Variants in SMG6 observed in about 807,000 individuals in gnomAD.
SMG6 encodes telomerase-binding protein EST1A.
SMG6 carries 66 observed loss-of-function variants against 142.2 expected under a neutral mutation model. The ratio of observed to expected loss-of-function variants is 0.46; its 90% CI spans 0.38 to 0.57. The LOEUF (loss-of-function observed/expected upper bound fraction) is 0.57. Among genes scored for constraint, SMG6 ranks in the 20% least tolerant of loss-of-function variants. The pLI is 0.00. For synonymous variants in SMG6, 779 were observed against 702.4 expected, an observed-to-expected ratio of 1.11 and a Z score of -1.72; for missense variants, 1,793 against 1,832.0, an observed-to-expected ratio of 0.98 and a Z score of 0.39.
At chr17:2,094,122 G>C (rs1222795821) in intron 13 of SMG6, among the ~76,000 whole-genome samples, 1 of 152,218 alleles carries the variant, frequency 6.6e-6, no homozygotes, top group African/African-American at 2.4e-5. Context: ...ACTAATAAAT[G>C]TATCAGAAAT....
At chr17:2,176,504 T>C (rs1307636972) in intron 12 of SMG6, among the ~76,000 whole-genome samples, 1 of 152,150 alleles carries the variant, frequency 6.6e-6, no homozygotes, top group Non-Finnish European at 1.5e-5. Flanking sequence ...TTTGTTCTGG[T>C]TCAATGCATA....
In SMG6 at chr17:2,292,144, CA is replaced by C. The variant is rs147685273; in HGVS notation, c.2337+407del. Among the ~76,000 whole-genome samples the C allele has an allele frequency of 9.8e-3, 1,494 of 152,276 alleles. 27 individuals are homozygous for C. Among genetic ancestry groups the C allele is most frequent in the African/African-American group, 0.034 (1,406 of 41,554 alleles). On this transcript the variant is annotated intron_variant, in intron 6 of 18. Transcript: ENST00000263073. Reference sequence around the variant, plus strand: ...AGTAACAGGGTCTAGGGAAAGGAAGCAAAGATCTGACTACTTAGAGGTAGGT... The same window carrying C: ...AGTAACAGGGTCTAGGGAAAGGAAGCAAGATCTGACTACTTAGAGGTAGGT...
Position 2,301,560 on chromosome 17 carries a change from C to T in SMG6, c.89-896G>A, listed in dbSNP as rs368973082. ...AATACAGGACTTTAGAAACCACTCTCGGCCGGGCGCGGTGGGTCACGCCTG... is the reference window on the plus strand; with the variant it reads ...AATACAGGACTTTAGAAACCACTCTTGGCCGGGCGCGGTGGGTCACGCCTG... On this transcript the variant is annotated intron_variant, in intron 1 of 18. Coordinates refer to ENST00000263073, the MANE Select transcript of SMG6 (RefSeq NM_017575.5). Among the ~76,000 whole-genome samples, 325 of 149,278 alleles carry T rather than the reference C, an allele frequency of 2.2e-3. 5 individuals are homozygous for T. Among genetic ancestry groups the T allele is most frequent in the African/African-American group, 7.6e-3 (294 of 38,806 alleles).
At chr17:2,200,522 G>A (rs72817593) in intron 10 of SMG6, among the ~76,000 whole-genome samples, 11,138 of 128,852 alleles carry the variant, frequency 0.086, 587 homozygotes, top group Middle Eastern at 0.14. Flanking sequence ...CCAAACCCAC[G>A]ACAGAAAAAA....
intron 13 of SMG6, among the ~76,000 whole-genome samples, chr17:2,122,922 G>A (rs1046447740): frequency 6.6e-6 from 1 of 152,260 alleles, no homozygotes; most frequent in African/African-American, 2.4e-5. Flanking sequence ...TGGGTAGGAA[G>A]CAGAGATGGA....
At chr17:2,234,180 GA>G (rs1284026697) in intron 10 of SMG6, among the ~76,000 whole-genome samples, 1 of 151,884 alleles carries the variant, frequency 6.6e-6, no homozygotes, top group Non-Finnish European at 1.5e-5. Context: ...TCACATCAGG[GA>G]ACAACCGATT....
intron 8 of SMG6, among the ~76,000 whole-genome samples, chr17:2,277,452 A>G (rs1282181629): frequency 6.6e-6 from 1 of 152,136 alleles, no homozygotes; most frequent in African/African-American, 2.4e-5. Context: ...AGGCGTAAGC[A>G]CCACGCCCGG....
intron 6 of SMG6, among the ~76,000 whole-genome samples, chr17:2,286,307 C>CAAAAAAAAAA (rs74656326): frequency 2.2e-5 from 2 of 89,316 alleles, no homozygotes; most frequent in Non-Finnish European, 4.7e-5. Context: ...CTCAAATGGC[C>CAAAAAAAAAA]AAAAAAAAAA....
intron 13 of SMG6, among the ~76,000 whole-genome samples, chr17:2,117,025 C>CA (rs1471648443): frequency 6.6e-6 from 1 of 150,816 alleles, no homozygotes; most frequent in Non-Finnish European, 1.5e-5. Context: ...AGAACAACAA[C>CA]AAAAAAAGAA....
rs988008443 is a variant in SMG6 at position 2,174,251 on chromosome 17, A to C, written c.3156-1392T>G. ...CTCTTGCTAAAAACAACAAAGAAGA[A>C]TCATCCTGGAATCTCCCCAGTGGAG... On this transcript the variant is annotated intron_variant, in intron 12 of 18. Coordinates refer to ENST00000263073, the MANE Select transcript of SMG6 (RefSeq NM_017575.5). Among the ~76,000 whole-genome samples, 10 of 152,184 alleles carry C rather than the reference A, an allele frequency of 6.6e-5. 1 individual carries two copies. The highest frequency in any genetic ancestry group is 2.4e-4 in the African/African-American group (10 of 41,458).
At chr17:2,254,716 T>C (rs902121820) in intron 8 of SMG6, among the ~76,000 whole-genome samples, 7 of 152,198 alleles carry the variant, frequency 4.6e-5, no homozygotes, top group Admixed American at 1.3e-4. Context: ...ACCCATACAT[T>C]TATTCATTCA....
intron 8 of SMG6, among the ~76,000 whole-genome samples, chr17:2,275,068 C>A (rs901120594): frequency 6.6e-6 from 1 of 151,588 alleles, no homozygotes; most frequent in African/African-American, 2.4e-5. Flanking sequence ...ATGTAGGTTC[C>A]TATCTTTTTA....
chr17:2,130,184 C>T (rs555191020), intron 13 of SMG6, among the ~76,000 whole-genome samples: 1 of 142,044 alleles, frequency 7.0e-6, no homozygotes, highest in Admixed American at 7.7e-5. Flanking sequence ...GGCGTGAACC[C>T]GGGAAGCGGA....
intron 12 of SMG6, among the ~76,000 whole-genome samples, chr17:2,183,946 G>T (rs564325316): frequency 3.3e-5 from 5 of 152,232 alleles, no homozygotes; most frequent in Admixed American, 6.5e-5. Flanking sequence ...GAGAGATCCA[G>T]ACTGGCATAC....
rs760294697 is a variant in SMG6, at chr17:2,061,438, C to T, written c.*54G>A. The T allele has an allele frequency of 6.6e-7, 1 of 1,521,236 alleles. No individual in the cohort carries two copies. 94.2% of individuals were successfully genotyped at this position (1,521,236 alleles called of 1,614,324 possible). On this transcript the variant is annotated 3_prime_UTR_variant, in exon 19 of 19. Transcript: ENST00000263073. ...GGCATCTTCCGTGCTACACTGGGCG[C>T]CTGGTGGCCTTTCAGGAACGGTTCC...
At position 2,222,680 on chromosome 17, in the gene SMG6, C is replaced by G. The variant is rs370388954; in HGVS notation, c.2869+13812G>C. On this transcript the variant is annotated intron_variant, in intron 10 of 18. Coordinates refer to ENST00000263073, the MANE Select transcript of SMG6 (RefSeq NM_017575.5). ...ACAGCAGACTCTGTATGTAATGTGT[C>G]TGTGTGTGCATGTTTGGGAAGGAAC... Among the ~76,000 whole-genome samples the G allele has an allele frequency of 3.8e-4, 57 of 150,786 alleles. 2 individuals carry two copies. In the South Asian group the frequency reaches 0.011, roughly 29 times the overall value.
At chr17:2,294,620 G>A (rs1490308601) in intron 4 of SMG6, among the ~76,000 whole-genome samples, 1 of 152,176 alleles carries the variant, frequency 6.6e-6, no homozygotes, top group African/African-American at 2.4e-5. Context: ...CCTGGCTGAA[G>A]CTTTCGGCCT....
At chr17:2,257,557 T>C (rs1245908907) in intron 8 of SMG6, among the ~76,000 whole-genome samples, 1 of 152,168 alleles carries the variant, frequency 6.6e-6, no homozygotes, top group Non-Finnish European at 1.5e-5. Context: ...AAAAAGAGAC[T>C]ACACTTAACA....
At chr17:2,268,415 C>G (rs1183038016) in intron 8 of SMG6, among the ~76,000 whole-genome samples, 1 of 152,196 alleles carries the variant, frequency 6.6e-6, no homozygotes, top group African/African-American at 2.4e-5. Context: ...GCAGCTTTCA[C>G]AGCAGCAGCA....
Sources: gnomAD v4.1 joint callset for allele counts (sites outside exome capture counted in the v4.1 genomes callset) on GRCh38, gnomAD v4.1.1 for gene constraint, MANE v1.5 for transcripts, NCBI Gene and HGNC (gene_info 2026-07-23, HGNC 2026-07-21) for gene names.